PRKN: variants seen among roughly 807,000 people sequenced by gnomAD.
PRKN encodes the protein E3 ubiquitin-protein ligase parkin.
Under a neutral mutation model 59.5 loss-of-function variants are expected in PRKN, and 56 were observed. The ratio of observed to expected loss-of-function variants is 0.94; its 90% confidence interval spans 0.76 to 1.18. PRKN has a LOEUF of 1.18. Ranked by LOEUF, PRKN falls within the 50% of genes most tolerant of loss-of-function variation. The pLI is 0.00. For synonymous variants in PRKN, 250 were observed against 222.1 expected, an observed-to-expected ratio of 1.13 and a Z score of -1.12; for missense variants, 657 against 596.4, an observed-to-expected ratio of 1.10 and a Z score of -1.06.
At chr6:162,113,230 C>T (rs1401323734) in intron 4 of PRKN, among the ~76,000 whole-genome samples, 1 of 152,142 alleles carries the variant, frequency 6.6e-6, no homozygotes, top group Admixed American at 6.6e-5. Flanking sequence ...AAGACCCGAT[C>T]TAAAAGAATG....
At chr6:161,856,204 A>G (rs1793643439) in intron 6 of PRKN, among the ~76,000 whole-genome samples, 1 of 152,090 alleles carries the variant, frequency 6.6e-6, no homozygotes, top group Admixed American at 6.6e-5. Flanking sequence ...TACTAAAAAT[A>G]CAAAAATTAG....
At chr6:162,594,473 TTC>T (rs1303473531) in intron 1 of PRKN, among the ~76,000 whole-genome samples, 2 of 152,188 alleles carry the variant, frequency 1.3e-5, no homozygotes, top group African/African-American at 4.8e-5. Context: ...CCTTCCTCTT[TTC>T]TGTTTGAAGT....
At chr6:162,614,809 AAG>A (rs1460688620) in intron 1 of PRKN, among the ~76,000 whole-genome samples, 1 of 152,200 alleles carries the variant, frequency 6.6e-6, no homozygotes, top group Non-Finnish European at 1.5e-5. Flanking sequence ...CTAGCATAGA[AAG>A]AGCCATATAC....
At chr6:161,691,677 G>A (rs1277113135) in intron 7 of PRKN, among the ~76,000 whole-genome samples, 1 of 152,094 alleles carries the variant, frequency 6.6e-6, no homozygotes, top group Non-Finnish European at 1.5e-5. Context: ...TAAACAGTAA[G>A]ATCACCAACA....
intron 7 of PRKN, among the ~76,000 whole-genome samples, chr6:161,785,534 T>C (rs1312557733): frequency 1.3e-4 from 20 of 152,210 alleles, no homozygotes; most frequent in Non-Finnish European, 2.9e-4. Flanking sequence ...TGAATAATAT[T>C]GACAAACTTA....
In PRKN at chr6:161,442,283, G is replaced by C. The variant is rs1397563055; in HGVS notation, c.1084-55406C>G. Among the ~76,000 whole-genome samples the C allele has an allele frequency of 6.6e-6, 1 of 152,066 alleles. No homozygotes were observed. Among genetic ancestry groups the C allele is most frequent in the Non-Finnish European group, 1.5e-5 (1 of 68,004 alleles). On this transcript the variant is annotated intron_variant, in intron 9 of 11. Transcript: ENST00000366898. This position sits in a 1 kb window ranked among gnomAD's most constrained non-coding sequence, Gnocchi z 4.6. ...AAAGTCAGTACAGAGCCATTGAAGGGGCTTTCCACCTCCTACGATAAGTAA... is the reference window on the plus strand; with the variant it reads ...AAAGTCAGTACAGAGCCATTGAAGGCGCTTTCCACCTCCTACGATAAGTAA...
chr6:161,437,183 G>A (rs1013026898), intron 9 of PRKN, among the ~76,000 whole-genome samples: 13 of 152,120 alleles, frequency 8.5e-5, no homozygotes, highest in Non-Finnish European at 1.3e-4. Context: ...CGAGGACCAC[G>A]ACACAAGCTA....
intron 3 of PRKN, among the ~76,000 whole-genome samples, chr6:162,205,875 C>T (rs989857859): frequency 9.9e-5 from 15 of 152,092 alleles, no homozygotes; most frequent in African/African-American, 3.4e-4. Context: ...AAATAGCTGT[C>T]TGTGGGTAGC....
At chr6:161,863,520 G>A (rs1482633168) in intron 6 of PRKN, among the ~76,000 whole-genome samples, 1 of 151,684 alleles carries the variant, frequency 6.6e-6, no homozygotes, top group Non-Finnish European at 1.5e-5. Context: ...AGAAAAGTGA[G>A]TTTAGAAAGA....
intron 2 of PRKN, among the ~76,000 whole-genome samples, chr6:162,390,428 C>CA (rs1456661955): frequency 7.3e-6 from 1 of 136,928 alleles, no homozygotes; most frequent in Non-Finnish European, 1.6e-5. Context: ...CACACACACA[C>CA]CTTATATATA....
intron 6 of PRKN, among the ~76,000 whole-genome samples, chr6:161,821,836 C>T (rs1473906335): frequency 1.4e-5 from 2 of 146,358 alleles, no homozygotes; most frequent in Admixed American, 7.2e-5. Context: ...GCAACTTCTG[C>T]GCCCTGGGTT....
At chr6:161,922,404 C>G (rs1778818452) in intron 6 of PRKN, among the ~76,000 whole-genome samples, 1 of 152,168 alleles carries the variant, frequency 6.6e-6, no homozygotes, top group African/African-American at 2.4e-5. Flanking sequence ...TCTATCATTT[C>G]TCACATTGCA....
intron 6 of PRKN, among the ~76,000 whole-genome samples, chr6:161,796,847 T>C (rs968112503): frequency 6.6e-6 from 1 of 152,236 alleles, no homozygotes; most frequent in Non-Finnish European, 1.5e-5. Flanking sequence ...CTGTAATACA[T>C]ACTAACTCAT....
rs1359193645 is a variant in PRKN, at chr6:162,165,170, A to C, written c.534+35961T>G. On this transcript the variant is annotated intron_variant, in intron 4 of 11. Coordinates refer to ENST00000366898, the MANE Select transcript of PRKN (RefSeq NM_004562.3). ...ATATCCATACCTCACACTATCATAAAATTTACATATGTTGGATCCTAAACC... is the reference window on the plus strand; with the variant it reads ...ATATCCATACCTCACACTATCATAACATTTACATATGTTGGATCCTAAACC... Among the ~76,000 whole-genome samples the C allele has an allele frequency of 1.3e-5, 2 of 148,978 alleles. 1 individual carries two copies. The highest frequency in any genetic ancestry group is 5.0e-5 in the African/African-American group (2 of 39,622).
At chr6:162,136,859 C>T (rs1781579558) in intron 4 of PRKN, among the ~76,000 whole-genome samples, 1 of 151,880 alleles carries the variant, frequency 6.6e-6, no homozygotes, top group Non-Finnish European at 1.5e-5. Context: ...GTAGAGGAGG[C>T]CACTTCATGT....
chr6:161,779,255 T>C (rs981323415), intron 7 of PRKN, among the ~76,000 whole-genome samples: 3 of 151,976 alleles, frequency 2.0e-5, no homozygotes, highest in African/African-American at 7.2e-5. Flanking sequence ...ATGTTATTTA[T>C]AAGATTCATA....
intron 7 of PRKN, among the ~76,000 whole-genome samples, chr6:161,702,052 C>T (rs1248691534): frequency 1.3e-5 from 2 of 152,126 alleles, no homozygotes; most frequent in Non-Finnish European, 2.9e-5. Context: ...CTTTCTGTTT[C>T]AGAATGATCT....
At chr6:162,046,735 T>C (rs1255305270) in intron 5 of PRKN, among the ~76,000 whole-genome samples, 1 of 152,144 alleles carries the variant, frequency 6.6e-6, no homozygotes, top group Non-Finnish European at 1.5e-5. Context: ...CATGGTTATC[T>C]CACAGAAAAA....
At chr6:161,434,348 A>G (rs954320331) in intron 9 of PRKN, among the ~76,000 whole-genome samples, 1 of 152,130 alleles carries the variant, frequency 6.6e-6, no homozygotes, top group African/African-American at 2.4e-5. Context: ...TTCCTCTGCC[A>G]TTATCCCAGG....
Sources: allele counts gnomAD v4.1 joint callset (sites outside exome capture counted in the v4.1 genomes callset), GRCh38; gene constraint gnomAD v4.1.1; non-coding constraint Gnocchi (gnomAD v3.1); transcripts MANE v1.5; gene names NCBI Gene and HGNC (gene_info 2026-07-23, HGNC 2026-07-21).